The following STK24 variants were observed in gnomAD, a reference collection of about 807,000 sequenced individuals.
STK24 encodes serine/threonine kinase 24, also known as serine/threonine-protein kinase 24.
Under a neutral mutation model 55.6 loss-of-function variants are expected in STK24, and 21 were observed. The observed-to-expected ratio is 0.38, with a 90% CI of 0.27 to 0.54. The LOEUF (loss-of-function observed/expected upper bound fraction) is 0.54, where lower values mean the gene tolerates loss of function less well. Among genes scored for constraint, STK24 ranks in the 20% least tolerant of loss-of-function variants. The pLI is 0.79. For missense variants in STK24, 383 were observed against 538.4 expected (o/e 0.71, Z 2.86); for synonymous variants, 200 against 215.2 (o/e 0.93, Z 0.62).
At chr13:98,481,507 G>A (rs529690144) in intron 3 of STK24, among the ~76,000 whole-genome samples, 4 of 152,128 alleles carry the variant, frequency 2.6e-5, no homozygotes, top group African/African-American at 4.8e-5. Flanking sequence ...TCCGACATCC[G>A]ACCTTCATAA....
At chr13:98,547,967 A>T (rs1194084313) in intron 1 of STK24, among the ~76,000 whole-genome samples, 1 of 152,140 alleles carries the variant, frequency 6.6e-6, no homozygotes, top group East Asian at 1.9e-4. Context: ...CAGCTGGGCC[A>T]CCAAGCCCTC....
rs1297724915 is a variant in STK24, at chr13:98,446,345, C to G, written c.*6828G>C. ...GATGACAGGGATGCTGGCGGGGGGC[C>G]CTGTCCACCCGAGGCCCTCAACTCT... On this transcript the variant is annotated 3_prime_UTR_variant, in exon 11 of 11. Coordinates refer to ENST00000539966, the MANE Select transcript of STK24 (RefSeq NM_001032296.4). The G allele has an allele frequency of 1.6e-6, 1 of 626,426 alleles. No individual in the cohort carries two copies. The allele number at this position is 626,426 out of a possible 1,614,324, so 38.8% of individuals were successfully genotyped here.
intron 6 of STK24, 85 bp downstream of exon 6, chr13:98,466,291 G>A: frequency 1.5e-6 from 2 of 1,317,842 alleles, no homozygotes; most frequent in South Asian, 1.7e-5. Context: ...GCTGAAAAGA[G>A]TGATTAAAGC....
At chr13:98,563,770 G>A (rs1252623840) in intron 1 of STK24, among the ~76,000 whole-genome samples, 1 of 151,768 alleles carries the variant, frequency 6.6e-6, no homozygotes, top group Non-Finnish European at 1.5e-5. Context: ...TGAGGCAGGA[G>A]AATGGCATGA....
At chr13:98,506,933 T>C (rs766676438) in intron 2 of STK24, among the ~76,000 whole-genome samples, 10 of 152,212 alleles carry the variant, frequency 6.6e-5, no homozygotes, top group Non-Finnish European at 1.0e-4. Context: ...CAGGCCCGTC[T>C]TGCTAATTTG....
At chr13:98,455,402 A>AG (rs1232400583) in intron 10 of STK24, 1 of 68,276 alleles carries the variant, frequency 1.5e-5, no homozygotes, top group African/African-American at 4.2e-5. Context: ...CACCATGCCT[A>AG]GCTAAATTTT....
At chr13:98,458,920 T>C (rs1243834993) in intron 9 of STK24, among the ~76,000 whole-genome samples, 1 of 152,218 alleles carries the variant, frequency 6.6e-6, no homozygotes, top group Non-Finnish European at 1.5e-5. Context: ...CTCTGAACTC[T>C]AGGGTAGCAA....
rs11842459 is a variant in STK24, at chr13:98,564,948, T to C, written c.42+11797A>G. 3.9e-3 allele frequency among the ~76,000 whole-genome samples: 588 copies of C among 152,266 alleles called. 5 individuals are homozygous for C. The highest frequency in any genetic ancestry group is 0.013 in the African/African-American group (544 of 41,564). ...CCTCTGCCCCCAACAGGTTTATAAA[T>C]ACATGCTAAAATCGCAAAGGCTCTA... is the stretch of plus-strand genomic sequence containing the variant. On this transcript the variant is annotated intron_variant, in intron 1 of 10. Transcript: ENST00000539966.
At chr13:98,516,443 T>A (rs1467543466) in intron 2 of STK24, among the ~76,000 whole-genome samples, 1 of 152,208 alleles carries the variant, frequency 6.6e-6, no homozygotes, top group Non-Finnish European at 1.5e-5. Flanking sequence ...CCTACAGAGA[T>A]GAAGTGACTT....
At position 98,448,576 on chromosome 13, in the gene STK24, G is replaced by A. The variant is rs1209982389; in HGVS notation, c.*4597C>T. ...GCCAGTATTAAAACATTGTCATTAC[G>A]AGAGTGCCAAATGACATCTTCCCTC... On this transcript the variant is annotated 3_prime_UTR_variant, in exon 11 of 11. Coordinates refer to ENST00000539966, the MANE Select transcript of STK24 (RefSeq NM_001032296.4). The A allele has an allele frequency of 1.6e-5, 7 of 443,994 alleles. No individual in the cohort carries two copies. Among genetic ancestry groups the A allele is most frequent in the Middle Eastern group, 5.9e-4 (1 of 1,698 alleles). The allele number at this position is 443,994 out of a possible 1,614,324, so 27.5% of individuals were successfully genotyped here.
chr13:98,547,789 C>A (rs1249735631), intron 1 of STK24, among the ~76,000 whole-genome samples: 1 of 152,184 alleles, frequency 6.6e-6, no homozygotes, highest in Non-Finnish European at 1.5e-5. Context: ...CTCTTTGTGA[C>A]CAAAGGAGCA....
chr13:98,453,463 G>T (rs770770036), intron 10 of STK24: 1 of 480,316 alleles, frequency 2.1e-6, no homozygotes. Flanking sequence ...GGAGAGATGT[G>T]AATAAAACGG....
At position 98,448,152 on chromosome 13, in the gene STK24, TTG is replaced by T. The variant is rs1491478025; in HGVS notation, c.*5019_*5020del. The T allele has an allele frequency of 1.1e-5, 13 of 1,196,506 alleles. No homozygotes were observed. The highest frequency in any genetic ancestry group is 4.5e-5 in the African/African-American group (3 of 66,850). 74.1% of individuals were successfully genotyped at this position (1,196,506 alleles called of 1,614,324 possible). ...ACCAACCAGGCGGCCTGACTTCACC[TTG>T]TGTTTCTGTAAGCGATGCCCACCAA... On this transcript the variant is annotated 3_prime_UTR_variant, in exon 11 of 11. Coordinates refer to ENST00000539966, the MANE Select transcript of STK24 (RefSeq NM_001032296.4).
At chr13:98,482,225 A>T in intron 3 of STK24, 40 bp downstream of exon 3, 1 of 1,230,264 alleles carries the variant, frequency 8.1e-7, no homozygotes, top group Non-Finnish European at 1.1e-6. Context: ...TTCCTGAGAA[A>T]AAGCTTTGAT....
intron 2 of STK24, among the ~76,000 whole-genome samples, chr13:98,501,554 T>G (rs1221977187): frequency 1.3e-5 from 2 of 152,130 alleles, no homozygotes; most frequent in Non-Finnish European, 2.9e-5. Context: ...ACTACAAAAA[T>G]TAGGTACATG....
intron 1 of STK24, among the ~76,000 whole-genome samples, chr13:98,565,747 A>C (rs977063093): frequency 7.9e-5 from 12 of 152,236 alleles, no homozygotes; most frequent in African/African-American, 2.7e-4. Context: ...GGAGCCAGTC[A>C]GCAGCTCCAT....
At chr13:98,463,640 C>T in intron 7 of STK24, 51 bp downstream of exon 7, 1 of 1,535,002 alleles carries the variant, frequency 6.5e-7, no homozygotes, top group Non-Finnish European at 8.8e-7. Context: ...GTGACAAAGA[C>T]CAGCGGATCC....
intron 1 of STK24, among the ~76,000 whole-genome samples, chr13:98,535,412 C>T (rs1442438736): frequency 5.2e-5 from 7 of 135,440 alleles, no homozygotes; most frequent in African/African-American, 1.9e-4. Context: ...CACACACACA[C>T]ACACACACAC....
intron 1 of STK24, among the ~76,000 whole-genome samples, chr13:98,562,240 T>A (rs1399731047): frequency 6.6e-6 from 1 of 152,230 alleles, no homozygotes; most frequent in East Asian, 1.9e-4. Flanking sequence ...TAGATGCTTT[T>A]GCTTTAAAAA....
Sources: gnomAD v4.1 joint callset for allele counts (sites outside exome capture counted in the v4.1 genomes callset) on GRCh38, gnomAD v4.1.1 for gene constraint, MANE v1.5 for transcripts, NCBI Gene and HGNC (gene_info 2026-07-23, HGNC 2026-07-21) for gene names.